The following FBXO22 variants were observed in gnomAD, a reference collection of about 807,000 sequenced individuals.
FBXO22 encodes F-box protein 22.
In FBXO22, 13 loss-of-function variants were observed where a neutral mutation model predicts 37.2. The observed-to-expected ratio is 0.35, with a 90% confidence interval of 0.23 to 0.56. The LOEUF is 0.56. Ranked by LOEUF, FBXO22 falls within the 20% of genes least tolerant of loss-of-function variation. The pLI is 0.87. For synonymous variants in FBXO22, 189 were observed against 189.1 expected (o/e 1.00, Z 0.00); for missense variants, 446 against 509.9 (o/e 0.87, Z 1.21).
At position 75,933,725 on chromosome 15, in the gene FBXO22, ATT is replaced by A; in HGVS notation, c.*631_*632del. 17 of 301,502 alleles carry A rather than the reference ATT, an allele frequency of 5.6e-5. No homozygotes were observed. The highest frequency in any genetic ancestry group is 2.5e-4 in the South Asian group (9 of 35,320). 18.7% of individuals were successfully genotyped at this position (301,502 alleles called of 1,614,324 possible). ...AGATTTTTCTTCTTTCCTTAAAAAT[ATT>A]TTTTTTTCACCTAGGTCTAAATAGC... On this transcript the variant is annotated 3_prime_UTR_variant, in exon 7 of 7. Transcript: ENST00000308275.
At chr15:75,908,522 G>C (rs1899978794) in intron 2 of FBXO22, among the ~76,000 whole-genome samples, 2 of 152,096 alleles carry the variant, frequency 1.3e-5, no homozygotes, top group Non-Finnish European at 2.9e-5. Flanking sequence ...CACCCACCGT[G>C]GCCTCCCAAA....
chr15:75,934,108 G>A lies in FBXO22; in HGVS notation c.*1006G>A, dbSNP rs1199779541. ...CCTAGAATAAAGACTACATTTCCCA[G>A]TCTCCTGTGCAGGTATGACTGTGTT... On this transcript the variant is annotated 3_prime_UTR_variant, in exon 7 of 7. Transcript: ENST00000308275. 1.3e-5 allele frequency: 2 copies of A among 152,424 alleles called. No individual in the cohort carries two copies. Among genetic ancestry groups the A allele is most frequent in the African/African-American group, 4.8e-5 (2 of 41,450 alleles). 9.4% of individuals were successfully genotyped at this position (152,424 alleles called of 1,614,324 possible). A position where few individuals can be genotyped will look rare whatever the true frequency, so the allele number is the denominator to read the frequency against.
rs142812746 is a variant in FBXO22, at chr15:75,941,960, A to AAAAAAAAAAAC, written c.*8859_*8860insAAAAAAAAACA. The stretch of plus-strand genomic sequence containing the variant: ...ACCACCAAAAAAAAAAAAAAAAAAA[A>AAAAAAAAAAAC]ATATGGCCTAGCTTTTTTTTTTTTT... On this transcript the variant is annotated 3_prime_UTR_variant, in exon 7 of 7. Coordinates refer to ENST00000308275, the MANE Select transcript of FBXO22 (RefSeq NM_147188.3). The AAAAAAAAAAAC allele has an allele frequency of 2.1e-5, 2 of 93,766 alleles. No homozygotes were observed. The highest frequency in any genetic ancestry group is 1.7e-4 in the Admixed American group (1 of 5,878). 5.8% of individuals were successfully genotyped at this position (93,766 alleles called of 1,614,324 possible).
chr15:75,924,042 G>A (rs1900387990), intron 5 of FBXO22, among the ~76,000 whole-genome samples: 1 of 152,168 alleles, frequency 6.6e-6, no homozygotes, highest in African/African-American at 2.4e-5. Context: ...CGGGTTGGAA[G>A]ATCAGATTAT....
At chr15:75,912,276 G>C (rs1311603204) in intron 2 of FBXO22, among the ~76,000 whole-genome samples, 4 of 151,978 alleles carry the variant, frequency 2.6e-5, no homozygotes, top group Admixed American at 6.5e-5. Flanking sequence ...GAATGATGCT[G>C]GTCTCATAAA....
intron 3 of FBXO22, 78 bp downstream of exon 3, chr15:75,913,368 C>A: frequency 1.0e-6 from 1 of 964,008 alleles, no homozygotes; most frequent in Non-Finnish European, 1.6e-6. Flanking sequence ...TTATACTTGT[C>A]CTGAGAGTTA....
chr15:75,938,179 C>G lies in FBXO22; in HGVS notation c.*5077C>G, dbSNP rs550480286. ...GGGAATTTATGTCAAAATAGCTGAA[C>G]GTGACATAAAAGGAAGAGAGACTTC... On this transcript the variant is annotated 3_prime_UTR_variant, in exon 7 of 7. Coordinates refer to ENST00000308275, the MANE Select transcript of FBXO22 (RefSeq NM_147188.3). The G allele has an allele frequency of 8.6e-5, 13 of 152,028 alleles. No homozygotes were observed. The highest frequency in any genetic ancestry group is 3.1e-4 in the African/African-American group (13 of 41,452). The allele number at this position is 152,028 out of a possible 1,614,324, so 9.4% of individuals were successfully genotyped here.
intron 5 of FBXO22, among the ~76,000 whole-genome samples, chr15:75,921,892 C>G (rs1285571196): frequency 6.6e-6 from 1 of 152,108 alleles, no homozygotes; most frequent in East Asian, 1.9e-4. Flanking sequence ...GCAAGGTCTT[C>G]AGGGCAGTAA....
chr15:75,921,709 C>CA (rs979035485), intron 5 of FBXO22, among the ~76,000 whole-genome samples: 11 of 151,788 alleles, frequency 7.2e-5, no homozygotes, highest in South Asian at 2.1e-4. Flanking sequence ...TTTAGCTAGA[C>CA]AAAAAAAATT....
In FBXO22 at chr15:75,912,314, C is replaced by T. The variant is rs1300626012; in HGVS notation, c.280-889C>T. 2.0e-5 allele frequency among the ~76,000 whole-genome samples: 3 copies of T among 152,012 alleles called. No homozygotes were observed. The South Asian group carries it at 6.2e-4, about 32-fold the overall frequency. ...GAGTTAGGGACGAGTCCCTCTTTTT[C>T]TGTTGTTTGGAATAGTTTCAGAAGG... On this transcript the variant is annotated intron_variant, in intron 2 of 6. Coordinates refer to ENST00000308275, the MANE Select transcript of FBXO22 (RefSeq NM_147188.3).
intron 1 of FBXO22, 133 bp downstream of exon 1, chr15:75,904,236 G>A (rs750122494): frequency 5.4e-6 from 7 of 1,295,454 alleles, no homozygotes; most frequent in Non-Finnish European, 7.2e-6. Flanking sequence ...TACCTGAGGT[G>A]ACCCCCTACC....
intron 2 of FBXO22, among the ~76,000 whole-genome samples, chr15:75,910,610 G>A (rs1037230567): frequency 2.0e-5 from 3 of 151,932 alleles, no homozygotes; most frequent in African/African-American, 7.3e-5. Flanking sequence ...CTTTTTGATG[G>A]GGTTGTTTTT....
At chr15:75,920,635 AAT>A (rs1414744550) in intron 5 of FBXO22, among the ~76,000 whole-genome samples, 5 of 152,000 alleles carry the variant, frequency 3.3e-5, no homozygotes, top group African/African-American at 7.2e-5. Context: ...CAGCCTGGAC[AAT>A]ATAGTGAGAC....
intron 5 of FBXO22, among the ~76,000 whole-genome samples, chr15:75,928,106 C>T (rs1234486670): frequency 2.6e-5 from 4 of 152,074 alleles, no homozygotes; most frequent in East Asian, 1.9e-4. Context: ...ATAACAGATG[C>T]TGGCAAGTTT....
At chr15:75,928,966 A>T (rs947463861) in intron 5 of FBXO22, among the ~76,000 whole-genome samples, 6 of 152,176 alleles carry the variant, frequency 3.9e-5, no homozygotes, top group Non-Finnish European at 5.9e-5. Context: ...TAAAGCCTGT[A>T]TTTCAGTGAT....
In FBXO22 at chr15:75,936,608, C is replaced by G. The variant is rs2030363116; in HGVS notation, c.*3506C>G. The G allele has an allele frequency of 1.3e-5, 2 of 151,586 alleles. No homozygotes were observed. Among genetic ancestry groups the G allele is most frequent in the South Asian group, 4.2e-4 (2 of 4,812 alleles). The allele number at this position is 151,586 out of a possible 1,614,324, so 9.4% of individuals were successfully genotyped here. ...TTTTTTTTTTTGAGAGAGTTTTGCT[C>G]TTGTTGCCCAGGCTGGAGTATAATG... On this transcript the variant is annotated 3_prime_UTR_variant, in exon 7 of 7. Coordinates refer to ENST00000308275, the MANE Select transcript of FBXO22 (RefSeq NM_147188.3).
intron 5 of FBXO22, among the ~76,000 whole-genome samples, chr15:75,927,847 G>A (rs2029877531): frequency 6.6e-6 from 1 of 152,044 alleles, no homozygotes. Flanking sequence ...CTCCTTTCTG[G>A]TAACCACCTT....
chr15:75,905,051 C>T (rs979737179), intron 2 of FBXO22, among the ~76,000 whole-genome samples: 2 of 152,126 alleles, frequency 1.3e-5, no homozygotes, highest in African/African-American at 4.8e-5. Context: ...TCTCGATCTC[C>T]TGACCTCGTG....
rs1899860974 is a variant in FBXO22, at chr15:75,904,069, T to C, written c.106T>C (p.Phe36Leu). Residue 36 changes from phenylalanine (F) to leucine (L), a missense_variant, in exon 1 of 7, where the codon TTC (phenylalanine) becomes CTC (leucine). Coordinates refer to ENST00000308275, the MANE Select transcript of FBXO22 (RefSeq NM_147188.3). Reference protein sequence around the residue: ...LAEVVERVLTFLPAKALLRVA... With the variant: ...LAEVVERVLTLLPAKALLRVA... ...GGAGGTGGTGGAGCGTGTGCTCACCTTCCTGCCCGCCAAGGCGTTGCTGCG... is the reference window on the plus strand; with the variant it reads ...GGAGGTGGTGGAGCGTGTGCTCACCCTCCTGCCCGCCAAGGCGTTGCTGCG... The C allele has an allele frequency of 6.4e-7, 1 of 1,552,146 alleles. No individual in the cohort carries two copies. Among genetic ancestry groups the C allele is most frequent in the Non-Finnish European group, 8.7e-7 (1 of 1,146,622 alleles).
Sources: gnomAD v4.1 joint callset for allele counts (sites outside exome capture counted in the v4.1 genomes callset) on GRCh38, gnomAD v4.1.1 for gene constraint, MANE v1.5 for transcripts, NCBI Gene and HGNC (gene_info 2026-07-23, HGNC 2026-07-21) for gene names.